Variants in QNG1 observed in about 807,000 individuals in gnomAD.
The protein encoded by QNG1 is Q-nucleotide N-glycosylase 1.
At chr9:83,943,618 A>G in the QNG1 span, among the ~76,000 whole-genome samples, 1 of 152,188 alleles carries the variant, frequency 6.6e-6, no homozygotes, top group African/African-American at 2.4e-5. Context: ...AACCCAGTAG[A>G]GCCAACCATA....
the QNG1 span, among the ~76,000 whole-genome samples, chr9:83,943,142 C>T: frequency 6.6e-6 from 1 of 151,726 alleles, no homozygotes; most frequent in South Asian, 2.1e-4. Context: ...GAGTTCAAGA[C>T]CAGCATGACC....
the QNG1 span, among the ~76,000 whole-genome samples, chr9:83,942,994 A>T: frequency 6.6e-6 from 1 of 152,186 alleles, no homozygotes; most frequent in Non-Finnish European, 1.5e-5. Flanking sequence ...TGGACAAATC[A>T]CTATAAGTGA....
the QNG1 span, among the ~76,000 whole-genome samples, chr9:83,950,512 T>C: frequency 6.6e-6 from 1 of 152,214 alleles, no homozygotes; most frequent in East Asian, 1.9e-4. Context: ...TTTTGTGATT[T>C]AAATATTTTC....
the QNG1 span, among the ~76,000 whole-genome samples, chr9:83,955,914 G>T: frequency 6.6e-6 from 1 of 152,208 alleles, no homozygotes; most frequent in South Asian, 2.1e-4. Context: ...TCATTCAAAT[G>T]GCATTCTTTA....
the QNG1 span, among the ~76,000 whole-genome samples, chr9:83,939,922 G>A: frequency 3.3e-5 from 5 of 152,154 alleles, no homozygotes; most frequent in Non-Finnish European, 7.4e-5. Flanking sequence ...TAAATTACAA[G>A]TTAAATTCCA....
the QNG1 span, chr9:83,956,287 C>T: frequency 1.2e-6 from 2 of 1,614,172 alleles, no homozygotes; most frequent in South Asian, 2.2e-5. Flanking sequence ...TTGAGCGTGT[C>T]TGTCACGAAC....
At chr9:83,955,003 G>C in the QNG1 span, among the ~76,000 whole-genome samples, 4 of 151,214 alleles carry the variant, frequency 2.6e-5, no homozygotes, top group Non-Finnish European at 5.9e-5. Context: ...TTTGAGACCA[G>C]CCTGGCCAAC....
At chr9:83,948,837 G>A in the QNG1 span, among the ~76,000 whole-genome samples, 1 of 152,156 alleles carries the variant, frequency 6.6e-6, no homozygotes, top group Non-Finnish European at 1.5e-5. Flanking sequence ...TCCACTCAGG[G>A]TTAAATGGAT....
chr9:83,955,372 G>A, the QNG1 span: 1 of 1,609,164 alleles, frequency 6.2e-7, no homozygotes. Flanking sequence ...CCCAACAGAA[G>A]CAACTCACCT....
At chr9:83,956,589 G>C in the QNG1 span, 16 of 1,125,082 alleles carry the variant, frequency 1.4e-5, no homozygotes, top group East Asian at 3.9e-4. Flanking sequence ...CGAACCGCGC[G>C]ATCACAGGGC....
At chr9:83,946,729 G>C in the QNG1 span, among the ~76,000 whole-genome samples, 1 of 151,972 alleles carries the variant, frequency 6.6e-6, no homozygotes, top group African/African-American at 2.4e-5. Flanking sequence ...TACAAAACAC[G>C]GCGAAACCCT....
At chr9:83,945,769 T>A in the QNG1 span, among the ~76,000 whole-genome samples, 1 of 151,706 alleles carries the variant, frequency 6.6e-6, no homozygotes, top group Non-Finnish European at 1.5e-5. Flanking sequence ...CCCGGCTAAT[T>A]TTTTGAATTT....
At chr9:83,953,830 T>G in the QNG1 span, 1 of 1,546,452 alleles carries the variant, frequency 6.5e-7, no homozygotes, top group Non-Finnish European at 8.7e-7. Context: ...ATGATCATCA[T>G]TTGTTCAAGT....
chr9:83,956,789 C>A, the QNG1 span: 2 of 348,746 alleles, frequency 5.7e-6, no homozygotes, highest in Non-Finnish European at 1.0e-5. Flanking sequence ...TCTCAGGCTC[C>A]GCTTCCGGTT....
the QNG1 span, chr9:83,956,228 G>T: frequency 2.9e-5 from 46 of 1,613,830 alleles, no homozygotes; most frequent in African/African-American, 5.3e-5. Context: ...TTTTCCCTCT[G>T]TACCTCACCA....
chr9:83,951,086 A>G, the QNG1 span, among the ~76,000 whole-genome samples: 1 of 152,038 alleles, frequency 6.6e-6, no homozygotes, highest in Non-Finnish European at 1.5e-5. Context: ...AGCCTGGTCA[A>G]CATGGTGAAA....
the QNG1 span, chr9:83,953,851 T>C: frequency 6.6e-7 from 1 of 1,525,534 alleles, no homozygotes; most frequent in Non-Finnish European, 8.9e-7. Context: ...ACACTGTGTA[T>C]GAAAAAGAAA....
chr9:83,948,682 A>C, the QNG1 span, among the ~76,000 whole-genome samples: 1 of 152,222 alleles, frequency 6.6e-6, no homozygotes, highest in African/African-American at 2.4e-5. Context: ...GGAAAGAGGG[A>C]TCGGATTGTT....
At chr9:83,949,377 C>T in the QNG1 span, among the ~76,000 whole-genome samples, 2 of 152,208 alleles carry the variant, frequency 1.3e-5, no homozygotes, top group Admixed American at 1.3e-4. Flanking sequence ...GGTGCAGTGG[C>T]TCATGCCTGT....
Sources: allele counts gnomAD v4.1 joint callset (sites outside exome capture counted in the v4.1 genomes callset), GRCh38; gene constraint gnomAD v4.1.1; transcripts MANE v1.5; gene names NCBI Gene and HGNC (gene_info 2026-07-23, HGNC 2026-07-21).